Variants in FLYWCH1 observed in about 807,000 individuals in gnomAD.
FLYWCH1 encodes FLYWCH-type zinc finger-containing protein 1.
FLYWCH1 carries 75 observed loss-of-function variants against 66.4 expected under a neutral mutation model. The observed-to-expected ratio is 1.13, with a 90% CI of 0.94 to 1.37. The LOEUF (loss-of-function observed/expected upper bound fraction) is 1.37. Among genes scored for constraint, FLYWCH1 ranks in the 40% most tolerant of loss-of-function variants. FLYWCH1 has a pLI of 0.00. For missense variants in FLYWCH1, 1,334 were observed against 1,001.8 expected, an observed-to-expected ratio of 1.33 and a Z score of -4.48; for synonymous variants, 595 against 429.9, an observed-to-expected ratio of 1.38 and a Z score of -4.75.
intron 2 of FLYWCH1, 125 bp from the exon 3 acceptor site, chr16:2,929,488 C>G (rs887831110): frequency 3.0e-6 from 2 of 676,818 alleles, no homozygotes; most frequent in Admixed American, 2.9e-5. Flanking sequence ...TTCCATCAGG[C>G]CCCCGGCCAG....
chr16:2,932,751 C>G (rs2070812043), intron 4 of FLYWCH1, among the ~76,000 whole-genome samples: 1 of 152,060 alleles, frequency 6.6e-6, no homozygotes, highest in Non-Finnish European at 1.5e-5. Flanking sequence ...TGACAGAAAA[C>G]AGAGACCACT....
intron 2 of FLYWCH1, among the ~76,000 whole-genome samples, chr16:2,918,746 T>A (rs72770821): frequency 0.28 from 41,862 of 151,828 alleles, 5,874 homozygotes; most frequent in Non-Finnish European, 0.28. Context: ...TGGCCTTAAA[T>A]GTTTTTAAGT....
Position 2,938,145 on chromosome 16 carries a change from C to T in FLYWCH1, c.1778-39C>T, listed in dbSNP as rs759608133. On this transcript the variant is annotated intron_variant, in intron 7 of 9. Coordinates refer to ENST00000253928, the MANE Select transcript of FLYWCH1 (RefSeq NM_001308068.2). ...CAGACCCCCAGCCCTGCCACCCAGG[C>T]CCCTGTGGCCCCACTCACAGTGTCA... The T allele has an allele frequency of 4.4e-6, 7 of 1,593,986 alleles. No individual in the cohort carries two copies. The East Asian group carries it at 1.1e-4, about 26-fold the overall frequency.
In FLYWCH1 at chr16:2,940,062, C is replaced by A. The variant is rs746275336; in HGVS notation, c.2081C>A (p.Thr694Lys). ...EKIQVQLCFK[T>K]CSPESQQIYG... ...ATTCAAGTTCAGCTGTGCTTCAAGA[C>A]GTGTTCTCCTGAAAGCCAGCAGATT... The change falls in exon 9 of 10, where the codon ACG becomes AAG. Residue 694 changes from threonine to lysine, a missense_variant. Physicochemically the swap from Thr to Lys is moderately conservative, Grantham distance 78. Transcript: ENST00000253928. The A allele has an allele frequency of 3.3e-6, 5 of 1,536,442 alleles. No homozygotes were observed. Among genetic ancestry groups the A allele is most frequent in the South Asian group, 1.1e-5 (1 of 89,074 alleles).
intron 3 of FLYWCH1, 49 bp from the exon 4 acceptor site, chr16:2,930,361 C>T (rs1280850450): frequency 8.2e-7 from 1 of 1,220,434 alleles, no homozygotes; most frequent in East Asian, 2.7e-5. Context: ...GTGCCTGCGA[C>T]CCTGAGCTTT....
intron 6 of FLYWCH1, among the ~76,000 whole-genome samples, 168 bp downstream of exon 6, chr16:2,934,147 C>T (rs891314286): frequency 1.2e-4 from 19 of 152,164 alleles, no homozygotes; most frequent in Non-Finnish European, 1.0e-4. Flanking sequence ...CCCCTGATGC[C>T]GCTTTCAATG....
In FLYWCH1 at chr16:2,930,599, A is replaced by G; in HGVS notation, c.515A>G (p.His172Arg). The change falls in exon 4 of 10, where the codon CAC becomes CGC. Residue 172 changes from histidine to arginine, a missense_variant. Transcript: ENST00000253928. ...CTGCGGGCCACAGTGATGCGGGGCC[A>G]CTGCCACGCGCCCGATGAGCAAGGC... The part of the protein sequence containing the change: ...RGLRATVMRG[H>R]CHAPDEQGLE... The G allele has an allele frequency of 4.5e-6, 7 of 1,553,050 alleles. No individual in the cohort carries two copies. The highest frequency in any genetic ancestry group is 3.6e-5 in the South Asian group (3 of 84,320).
chr16:2,919,697 A>G (rs2070301322), intron 2 of FLYWCH1, among the ~76,000 whole-genome samples: 1 of 152,158 alleles, frequency 6.6e-6, no homozygotes, highest in Admixed American at 6.6e-5. Flanking sequence ...GCCCAGCTCG[A>G]AGTACTACTT....
chr16:2,936,254 C>T, intron 6 of FLYWCH1: 1 of 378,406 alleles, frequency 2.6e-6, no homozygotes, highest in South Asian at 1.9e-5. Flanking sequence ...ATAAAGCGTG[C>T]CCCATGGTCA....
At position 2,937,332 on chromosome 16, in the gene FLYWCH1, G is replaced by A. The variant is rs756674310; in HGVS notation, c.1725G>A (p.Glu575=). 6.3e-7 allele frequency: 1 copy of A among 1,599,146 alleles called. No individual in the cohort carries two copies. Among genetic ancestry groups the A allele is most frequent in the African/African-American group, 1.3e-5 (1 of 74,686 alleles). ...HCHPPDLGGL[E]ALRQREHFPN... is the part of the protein sequence containing the mutation. ...ACCCACCGGACCTGGGCGGCCTGGA[G>A]GCCCTGCGGCAGCGGGAGCACTTCC... is the stretch of plus-strand genomic sequence containing the variant. Residue 575 remains glutamate, a synonymous_variant, in exon 7 of 10, where the codon GAG becomes GAA. Transcript: ENST00000253928.
rs554747336 is a variant in FLYWCH1, at chr16:2,933,263, C to T, written c.930C>T (p.His310=). ...GGACCTGCCGGGACCACGCGCTGCA[C>T]GGCTGCCGGAGCCGGGCCATCACCC... ...VYWTCRDHAL[H]GCRSRAITQG... is the part of the protein sequence containing the mutation. The change falls in exon 5 of 10, where the codon CAC becomes CAT. Residue 310 remains histidine, a synonymous_variant. Coordinates refer to ENST00000253928, the MANE Select transcript of FLYWCH1 (RefSeq NM_001308068.2). 1,161 of 1,612,836 alleles carry T rather than the reference C, an allele frequency of 7.2e-4. 17 individuals carry two copies. In the South Asian group the frequency reaches 0.012, roughly 17 times the overall value.
chr16:2,916,114 AGAC>A (rs981653129), intron 2 of FLYWCH1, among the ~76,000 whole-genome samples: 39 of 152,256 alleles, frequency 2.6e-4, no homozygotes, highest in Admixed American at 2.6e-3. Context: ...TGGGAGGCAA[AGAC>A]GGGCTGATCA....
In FLYWCH1 at chr16:2,938,070, G is replaced by A. The variant is rs114102291; in HGVS notation, c.1778-114G>A. On this transcript the variant is annotated intron_variant, in intron 7 of 9. Transcript: ENST00000253928. ...AGGAGGGCAGGGACCACCGTGCAGCGTGCTAGGGGATCGCAGATTCCTGGT... is the reference window on the plus strand; with the variant it reads ...AGGAGGGCAGGGACCACCGTGCAGCATGCTAGGGGATCGCAGATTCCTGGT... 7.6e-4 allele frequency: 789 copies of A among 1,042,570 alleles called. 6 individuals are homozygous for A. In the African/African-American group the frequency reaches 9.2e-3, roughly 12 times the overall value. 64.6% of individuals were successfully genotyped at this position (1,042,570 alleles called of 1,614,324 possible).
In FLYWCH1 at chr16:2,930,399, C is replaced by G. The variant is rs372866713; in HGVS notation, c.326-11C>G. 7 of 1,436,302 alleles carry G rather than the reference C, an allele frequency of 4.9e-6. No individual in the cohort carries two copies. The highest frequency in any genetic ancestry group is 6.4e-6 in the Non-Finnish European group (7 of 1,088,338). The allele number at this position is 1,436,302 out of a possible 1,614,324, so 89.0% of individuals were successfully genotyped here. ...TCTAGCTTAGCTAACCTAGCCTTCC[C>G]GTTCCCCCAGCAGCCCCTCAGTCCC... On this transcript the variant is annotated splice_polypyrimidine_tract_variant and intron_variant, in intron 3 of 9. Transcript: ENST00000253928.
At chr16:2,937,950 G>T (rs1423192140) in intron 7 of FLYWCH1, among the ~76,000 whole-genome samples, 1 of 152,130 alleles carries the variant, frequency 6.6e-6, no homozygotes, top group African/African-American at 2.4e-5. Context: ...GAGCATTCAG[G>T]GTCCAGTGCT....
chr16:2,936,762 GC>G, intron 6 of FLYWCH1: 1 of 497,226 alleles, frequency 2.0e-6, no homozygotes, highest in Non-Finnish European at 3.9e-6. Context: ...TCCCCAGAGG[GC>G]CCCGGGTCAT....
intron 1 of FLYWCH1, among the ~76,000 whole-genome samples, chr16:2,912,523 C>A (rs1385880737): frequency 6.6e-6 from 1 of 152,364 alleles, no homozygotes; most frequent in South Asian, 2.1e-4. Flanking sequence ...GGGACGCACC[C>A]CGCTCCCGCT....
rs138652844 is a variant in FLYWCH1 at position 2,918,591 on chromosome 16, C to T, written c.-74+4302C>T. 6.5e-3 allele frequency among the ~76,000 whole-genome samples: 990 copies of T among 151,882 alleles called. 3 individuals are homozygous for T. Among genetic ancestry groups the T allele is most frequent in the African/African-American group, 0.023 (938 of 41,382 alleles). ...GAATAGCTGGGATTACAGGCATGCA[C>T]CAACATGACCATCTAATTTTTGTAT... On this transcript the variant is annotated intron_variant, in intron 2 of 9. Coordinates refer to ENST00000253928, the MANE Select transcript of FLYWCH1 (RefSeq NM_001308068.2).
At position 2,938,453 on chromosome 16, in the gene FLYWCH1, C is replaced by A; in HGVS notation, c.2047C>A (p.Pro683Thr). 6.6e-6 allele frequency: 10 copies of A among 1,522,194 alleles called. No homozygotes were observed. The highest frequency in any genetic ancestry group is 7.9e-6 in the Non-Finnish European group (9 of 1,136,568). 94.3% of individuals were successfully genotyped at this position (1,522,194 alleles called of 1,614,324 possible). Residue 683 changes from proline to threonine, a missense_variant, in exon 8 of 10, where the codon CCA becomes ACA. Pro to Thr is a conservative substitution (Grantham distance 38, BLOSUM62 -1). Transcript: ENST00000253928. ...CCCCACCACGGCCCAGCAGGAGGAC[C>A]CAGGTACAGGCAGGCTGTGGGGCAG... The part of the protein sequence containing the change: ...RLPTTAQQED[P>T]EKIQVQLCFK...
Sources: gnomAD v4.1 joint callset for allele counts (sites outside exome capture counted in the v4.1 genomes callset) on GRCh38, gnomAD v4.1.1 for gene constraint, MANE v1.5 for transcripts, NCBI Gene and HGNC (gene_info 2026-07-23, HGNC 2026-07-21) for gene names.